TMEM184B: variants seen among roughly 807,000 people sequenced by gnomAD.
TMEM184B encodes the protein transmembrane protein 184B, also known as putative MAPK-activating protein FM08.
Under a neutral mutation model 41.8 loss-of-function variants are expected in TMEM184B, and 17 were observed. The ratio of observed to expected loss-of-function variants is 0.41; its 90% CI spans 0.28 to 0.61. The LOEUF is 0.61. TMEM184B is among the 20% of genes least tolerant of loss of function. The pLI is 0.34. For synonymous variants in TMEM184B, 240 were observed against 229.5 expected, an observed-to-expected ratio of 1.05 and a Z score of -0.41; for missense variants, 393 against 557.8, an observed-to-expected ratio of 0.70 and a Z score of 2.98.
chr22:38,240,455 G>A (rs1290551487), intron 3 of TMEM184B, among the ~76,000 whole-genome samples: 1 of 151,874 alleles, frequency 6.6e-6, no homozygotes, highest in Non-Finnish European at 1.5e-5. Flanking sequence ...CCAAAAAAGA[G>A]CCAGAAAATT....
intron 3 of TMEM184B, among the ~76,000 whole-genome samples, chr22:38,242,252 G>A (rs2091927099): frequency 6.6e-6 from 1 of 151,524 alleles, no homozygotes; most frequent in Non-Finnish European, 1.5e-5. Context: ...CGGATTGCCT[G>A]AGCTCAGGAG....
intron 3 of TMEM184B, among the ~76,000 whole-genome samples, chr22:38,240,477 C>A (rs531584462): frequency 2.6e-5 from 4 of 151,990 alleles, no homozygotes; most frequent in Non-Finnish European, 5.9e-5. Context: ...TAAAGAAAAT[C>A]TGAGGCTCAA....
intron 3 of TMEM184B, among the ~76,000 whole-genome samples, chr22:38,236,977 C>T (rs1448777728): frequency 1.3e-5 from 2 of 152,092 alleles, no homozygotes; most frequent in African/African-American, 4.8e-5. Context: ...TGTTTGTCGC[C>T]CTCCCAAATG....
intron 1 of TMEM184B, among the ~76,000 whole-genome samples, chr22:38,267,410 A>G (rs961449335): frequency 6.7e-6 from 1 of 150,080 alleles, no homozygotes; most frequent in Non-Finnish European, 1.5e-5. Flanking sequence ...GGAATAACCA[A>G]TCCTGTTCCA....
At chr22:38,216,445 A>AT (rs1445138580), downstream of TMEM184B, 1 of 167,078 alleles carries the variant, frequency 6.0e-6, no homozygotes, top group Non-Finnish European at 1.5e-5. Context: ...CAAGCGAGTT[A>AT]TCGTCTTCTG....
At chr22:38,245,793 G>A in intron 3 of TMEM184B, 142 bp downstream of exon 3, 1 of 878,448 alleles carries the variant, frequency 1.1e-6, no homozygotes, top group Non-Finnish European at 1.7e-6. Flanking sequence ...TGTCAATTTG[G>A]GACAGAAACC....
chr22:38,257,207 G>A (rs546828381), intron 1 of TMEM184B, among the ~76,000 whole-genome samples: 4 of 151,836 alleles, frequency 2.6e-5, no homozygotes, highest in African/African-American at 7.2e-5. Context: ...AAAAAGCTAC[G>A]TAACAGAATT....
At chr22:38,258,445 C>T (rs1240948322) in intron 1 of TMEM184B, among the ~76,000 whole-genome samples, 4 of 151,988 alleles carry the variant, frequency 2.6e-5, no homozygotes, top group Non-Finnish European at 1.5e-5. Flanking sequence ...GGATTACAGG[C>T]ATAAGCCACA....
chr22:38,265,434 A>C (rs1211997482), intron 1 of TMEM184B, among the ~76,000 whole-genome samples: 4 of 152,068 alleles, frequency 2.6e-5, no homozygotes, highest in Non-Finnish European at 5.9e-5. Context: ...CAAGCTCTCC[A>C]AGGGCAGGTC....
chr22:38,268,153 C>T (rs748727647), intron 1 of TMEM184B, among the ~76,000 whole-genome samples: 3 of 151,972 alleles, frequency 2.0e-5, no homozygotes, highest in Non-Finnish European at 2.9e-5. Flanking sequence ...GAGGCCAAGG[C>T]GGGCAGATCA....
At chr22:38,254,160 C>T (rs1182884158) in intron 1 of TMEM184B, among the ~76,000 whole-genome samples, 1 of 142,366 alleles carries the variant, frequency 7.0e-6, no homozygotes, top group Non-Finnish European at 1.5e-5. Context: ...AAGATCGTGC[C>T]ATTGCACTCC....
Position 38,248,035 on chromosome 22 carries a change from T to C in TMEM184B, c.-58-16A>G, listed in dbSNP as rs537544791. 3 of 1,479,710 alleles carry C rather than the reference T, an allele frequency of 2.0e-6. No homozygotes were observed. Among genetic ancestry groups the C allele is most frequent in the South Asian group, 2.7e-5 (2 of 75,364 alleles). 91.7% of individuals were successfully genotyped at this position (1,479,710 alleles called of 1,614,324 possible). Reference sequence around the variant, plus strand: ...ACAAGCTAGCCTAGAGAGAAGAAATTGCAATGTGAGTCTCCTCCCAGGGCA... The same window carrying C: ...ACAAGCTAGCCTAGAGAGAAGAAATCGCAATGTGAGTCTCCTCCCAGGGCA... On this transcript the variant is annotated splice_polypyrimidine_tract_variant and intron_variant, in intron 1 of 8. Transcript: ENST00000361906.
intron 3 of TMEM184B, among the ~76,000 whole-genome samples, chr22:38,244,583 A>G (rs1323637258): frequency 6.6e-6 from 1 of 151,950 alleles, no homozygotes; most frequent in African/African-American, 2.4e-5. Flanking sequence ...CAGCCTCCTG[A>G]GTAGCTGGAA....
intron 1 of TMEM184B, among the ~76,000 whole-genome samples, chr22:38,248,610 A>G (rs2092093660): frequency 1.3e-5 from 2 of 151,910 alleles, no homozygotes; most frequent in South Asian, 4.2e-4. Context: ...CCTCCAGAGC[A>G]CTCATTACAT....
Position 38,251,776 on chromosome 22 carries a change from C to T in TMEM184B, c.-58-3757G>A, listed in dbSNP as rs190735197. 1.5e-3 allele frequency among the ~76,000 whole-genome samples: 230 copies of T among 152,294 alleles called. 2 individuals carry two copies. The highest frequency in any genetic ancestry group is 5.3e-3 in the African/African-American group (219 of 41,572). ...GCCATCTGGTGCAGCCTCTTTACTC[C>T]CGTGGGGAAAGGGGTGGGGAAGGGC... On this transcript the variant is annotated intron_variant, in intron 1 of 8. Coordinates refer to ENST00000361906, the MANE Select transcript of TMEM184B (RefSeq NM_012264.5).
chr22:38,227,102 G>A (rs887135317), intron 5 of TMEM184B, among the ~76,000 whole-genome samples: 10 of 151,722 alleles, frequency 6.6e-5, no homozygotes, highest in African/African-American at 2.4e-4. Flanking sequence ...GCTCCCAGGG[G>A]ACTGCTGTCT....
intron 1 of TMEM184B, among the ~76,000 whole-genome samples, chr22:38,254,891 G>A (rs1306391767): frequency 2.1e-5 from 3 of 143,192 alleles, no homozygotes; most frequent in African/African-American, 2.6e-5. Flanking sequence ...TTGGTCTGTC[G>A]CCCAGGCTGG....
At chr22:38,268,767 C>T (rs1471023398) in intron 1 of TMEM184B, among the ~76,000 whole-genome samples, 2 of 152,256 alleles carry the variant, frequency 1.3e-5, no homozygotes, top group African/African-American at 4.8e-5. Flanking sequence ...CGACAATGGC[C>T]TAAGGTTCCC....
At chr22:38,254,258 G>C (rs1314948119) in intron 1 of TMEM184B, among the ~76,000 whole-genome samples, 1 of 148,834 alleles carries the variant, frequency 6.7e-6, no homozygotes, top group Non-Finnish European at 1.5e-5. Flanking sequence ...AATCCCACTT[G>C]AAAATAGGCA....
Sources: allele counts gnomAD v4.1 joint callset (sites outside exome capture counted in the v4.1 genomes callset), GRCh38; gene constraint gnomAD v4.1.1; transcripts MANE v1.5; gene names NCBI Gene and HGNC (gene_info 2026-07-23, HGNC 2026-07-21).